The following NCALD variants were observed in gnomAD, a reference collection of about 807,000 sequenced individuals.
The protein encoded by NCALD is neurocalcin delta.
Under a neutral mutation model 18.6 loss-of-function variants are expected in NCALD, and 10 were observed. The observed-to-expected ratio is 0.54, with a 90% CI of 0.33 to 0.91. The LOEUF is 0.91. NCALD is among the 40% of genes least tolerant of loss of function. NCALD has a pLI of 0.03. For synonymous variants in NCALD, 88 were observed against 87.4 expected, an observed-to-expected ratio of 1.01 and a Z score of -0.04; for missense variants, 184 against 247.6, an observed-to-expected ratio of 0.74 and a Z score of 1.72.
At chr8:101,894,356 C>T (rs1391771626) in intron 3 of NCALD, among the ~76,000 whole-genome samples, 6 of 127,110 alleles carry the variant, frequency 4.7e-5, no homozygotes, top group African/African-American at 1.1e-4. Context: ...GGGACACATT[C>T]AAAGCAGTGT....
chr8:101,968,732 G>T (rs981673975), intron 2 of NCALD, among the ~76,000 whole-genome samples: 23 of 151,498 alleles, frequency 1.5e-4, no homozygotes, highest in African/African-American at 4.6e-4. Flanking sequence ...TCACTCTCCT[G>T]TAAAAAAAAA....
At chr8:102,041,540 A>C (rs1489745304) in intron 1 of NCALD, among the ~76,000 whole-genome samples, 3 of 152,220 alleles carry the variant, frequency 2.0e-5, no homozygotes, top group Non-Finnish European at 4.4e-5. Flanking sequence ...ATGGCCCAAC[A>C]CAACCCCCAC....
At chr8:102,027,310 T>C (rs768250495) in intron 1 of NCALD, among the ~76,000 whole-genome samples, 1 of 152,216 alleles carries the variant, frequency 6.6e-6, no homozygotes, top group Non-Finnish European at 1.5e-5. Flanking sequence ...CTGGAACACT[T>C]TGCCACTTAG....
At chr8:102,064,899 T>C (rs1823955230) in intron 1 of NCALD, among the ~76,000 whole-genome samples, 1 of 151,588 alleles carries the variant, frequency 6.6e-6, no homozygotes, top group Non-Finnish European at 1.5e-5. Flanking sequence ...ACTCATGCCC[T>C]TGCTCATTCA....
chr8:101,814,591 C>G (rs919089421), intron 4 of NCALD, among the ~76,000 whole-genome samples: 2 of 151,984 alleles, frequency 1.3e-5, no homozygotes, highest in African/African-American at 4.8e-5. Context: ...AAGGGTGTCT[C>G]TACTCATTTG....
At chr8:101,954,855 GA>G (rs1211367426) in intron 2 of NCALD, among the ~76,000 whole-genome samples, 2 of 152,186 alleles carry the variant, frequency 1.3e-5, no homozygotes, top group Non-Finnish European at 2.9e-5. Context: ...ATATTTTCAT[GA>G]ACAAGTATTG....
chr8:101,792,228 T>C (rs1275473247), upstream of NCALD, among the ~76,000 whole-genome samples: 2 of 152,162 alleles, frequency 1.3e-5, no homozygotes, highest in Non-Finnish European at 2.9e-5. Flanking sequence ...AAAATATAAA[T>C]GGAACCTAAG....
chr8:101,822,864 T>C (rs1197664738), intron 4 of NCALD, among the ~76,000 whole-genome samples: 3 of 152,228 alleles, frequency 2.0e-5, no homozygotes, highest in Admixed American at 2.0e-4. Context: ...CTCTTTTTTG[T>C]TCCTTCAGCT....
chr8:102,103,508 G>A (rs1021435826), intron 1 of NCALD, among the ~76,000 whole-genome samples: 8 of 152,178 alleles, frequency 5.3e-5, no homozygotes, highest in Non-Finnish European at 1.5e-5. Flanking sequence ...AACCCAGGCA[G>A]TCAGACCCTA....
At chr8:101,714,440 G>A (rs1014858502) in intron 2 of NCALD, among the ~76,000 whole-genome samples, 1 of 152,148 alleles carries the variant, frequency 6.6e-6, no homozygotes, top group Non-Finnish European at 1.5e-5. Flanking sequence ...TAGAAGGGAC[G>A]TGAAGGACCT....
chr8:101,797,642 A>G (rs1255554403), intron 4 of NCALD, among the ~76,000 whole-genome samples: 2 of 152,018 alleles, frequency 1.3e-5, no homozygotes, highest in African/African-American at 4.8e-5. Context: ...ATGGTGAAAC[A>G]CTGTCTTTAC....
intron 1 of NCALD, among the ~76,000 whole-genome samples, chr8:101,738,143 C>T (rs1481860688): frequency 1.3e-5 from 2 of 152,068 alleles, no homozygotes; most frequent in South Asian, 2.1e-4. Context: ...GCAATGGTAC[C>T]GGTATTGGTT....
chr8:101,711,460 A>G (rs902164705), intron 2 of NCALD, among the ~76,000 whole-genome samples: 1 of 152,088 alleles, frequency 6.6e-6, no homozygotes, highest in Non-Finnish European at 1.5e-5. Flanking sequence ...GGTGGGTAAT[A>G]ACAAACTCTT....
intron 1 of NCALD, among the ~76,000 whole-genome samples, chr8:102,117,379 T>G (rs746209851): frequency 6.6e-6 from 1 of 152,154 alleles, no homozygotes; most frequent in Non-Finnish European, 1.5e-5. Context: ...CTTTCATGTA[T>G]GTGAAGAAAA....
At chr8:101,716,962 G>A (rs1314742123) in intron 2 of NCALD, among the ~76,000 whole-genome samples, 1 of 152,190 alleles carries the variant, frequency 6.6e-6, no homozygotes, top group African/African-American at 2.4e-5. Context: ...CAGGGGAAAG[G>A]ATTCTCCCCA....
intron 4 of NCALD, among the ~76,000 whole-genome samples, chr8:101,848,010 C>A (rs1240202808): frequency 1.3e-5 from 2 of 152,100 alleles, no homozygotes; most frequent in African/African-American, 2.4e-5. Context: ...AGAGAAGGAA[C>A]AAACCTTACA....
chr8:102,015,354 AG>A (rs1039238047), intron 2 of NCALD, among the ~76,000 whole-genome samples: 11 of 152,180 alleles, frequency 7.2e-5, no homozygotes, highest in Non-Finnish European at 1.2e-4. Context: ...TTTCCTGCAA[AG>A]GAACAAAGAA....
At chr8:102,071,870 A>G (rs1397985895) in intron 1 of NCALD, among the ~76,000 whole-genome samples, 2 of 152,232 alleles carry the variant, frequency 1.3e-5, no homozygotes, top group Non-Finnish European at 2.9e-5. Context: ...ATATACAATG[A>G]ACATGGATGA....
At position 101,953,809 on chromosome 8, in the gene NCALD, G is replaced by A. The variant is rs145443554; in HGVS notation, c.-156-37951C>T. 1.2e-4 allele frequency among the ~76,000 whole-genome samples: 19 copies of A among 152,376 alleles called. No homozygotes were observed. In the East Asian group the frequency reaches 3.7e-3, roughly 29 times the overall value. ...ATGAAGTAAATTATCAAAACTGAGG[G>A]GGTAATGGGAATTCCCAAATTTGTA... On this transcript the variant is annotated intron_variant, in intron 2 of 6. Transcript: ENST00000311028.
Sources: gnomAD v4.1 joint callset for allele counts (sites outside exome capture counted in the v4.1 genomes callset) on GRCh38, gnomAD v4.1.1 for gene constraint, MANE v1.5 for transcripts, NCBI Gene and HGNC (gene_info 2026-07-23, HGNC 2026-07-21) for gene names.